Variants in DOCK1 observed in about 807,000 individuals in gnomAD.
The protein encoded by DOCK1 is dedicator of cytokinesis 1.
In DOCK1, 138 loss-of-function variants were observed where a neutral mutation model predicts 262.7. That is an observed-to-expected ratio of 0.53 (90% CI 0.46 to 0.61). DOCK1 has a LOEUF of 0.61. Ranked by LOEUF, DOCK1 falls within the 20% of genes least tolerant of loss-of-function variation. The probability of loss-of-function intolerance (pLI) is 0.00; values close to 1 mark genes in which losing one functional copy is unlikely to be tolerated. For synonymous variants in DOCK1, 866 were observed against 867.4 expected (o/e 1.00, Z 0.03); for missense variants, 1,908 against 2,370.7 (o/e 0.80, Z 4.05).
chr10:126,989,214 A>G (rs973180820), intron 5 of DOCK1, among the ~76,000 whole-genome samples: 8 of 152,210 alleles, frequency 5.3e-5, no homozygotes, highest in African/African-American at 1.9e-4. Context: ...AAAGAAGGTT[A>G]AATACCAGAG....
At chr10:127,168,197 C>G (rs538248770) in intron 27 of DOCK1, among the ~76,000 whole-genome samples, 1 of 152,196 alleles carries the variant, frequency 6.6e-6, no homozygotes, top group Admixed American at 6.5e-5. Context: ...GAATCTCACT[C>G]TGGAAAAATG....
intron 27 of DOCK1, among the ~76,000 whole-genome samples, chr10:127,229,841 C>A (rs1434620508): frequency 2.0e-5 from 3 of 152,186 alleles, no homozygotes; most frequent in Admixed American, 2.0e-4. Context: ...CAAATTTACA[C>A]TCCCATCCAC....
chr10:127,412,063 C>T (rs959311131), intron 43 of DOCK1, among the ~76,000 whole-genome samples: 11 of 151,870 alleles, frequency 7.2e-5, no homozygotes, highest in Admixed American at 1.3e-4. Context: ...CCCAGGTTCA[C>T]GCCATTCTCC....
At chr10:127,131,498 GT>G in intron 27 of DOCK1, among the ~76,000 whole-genome samples, 1 of 152,298 alleles carries the variant, frequency 6.6e-6, no homozygotes, top group Admixed American at 6.5e-5. Context: ...TTCAAGAAGG[GT>G]GTTTGCCACT....
chr10:126,995,126 G>A lies in DOCK1; in HGVS notation c.474-1622G>A, dbSNP rs929887945. 9.2e-5 allele frequency among the ~76,000 whole-genome samples: 14 copies of A among 151,742 alleles called. No homozygotes were observed. The highest frequency in any genetic ancestry group is 2.2e-4 in the African/African-American group (9 of 41,356). ...GCTCCCCAGATCCCAGACGATGGGC[G>A]GCCGGGCAGAGACGCTCCTCACTTC... On this transcript the variant is annotated intron_variant, in intron 6 of 51. Coordinates refer to ENST00000623213, the MANE Select transcript of DOCK1 (RefSeq NM_001290223.2). This position sits in a 1 kb window ranked among gnomAD's most constrained non-coding sequence, Gnocchi z 5.8.
At chr10:127,246,911 T>G (rs2059448664) in intron 27 of DOCK1, among the ~76,000 whole-genome samples, 1 of 152,236 alleles carries the variant, frequency 6.6e-6, no homozygotes, top group South Asian at 2.1e-4. Flanking sequence ...GTGTGTTTCA[T>G]GCTATAATTT....
At chr10:126,950,267 T>C (rs1171345504) in intron 1 of DOCK1, among the ~76,000 whole-genome samples, 2 of 152,088 alleles carry the variant, frequency 1.3e-5, no homozygotes, top group Admixed American at 1.3e-4. Flanking sequence ...CTTATCTGTG[T>C]CATGTCTTGT....
intron 27 of DOCK1, among the ~76,000 whole-genome samples, chr10:127,182,126 C>T (rs780276460): frequency 1.4e-4 from 22 of 152,056 alleles, no homozygotes; most frequent in Non-Finnish European, 2.1e-4. Context: ...CGCCCCGTTC[C>T]CTCGATGTGT....
intron 27 of DOCK1, among the ~76,000 whole-genome samples, chr10:127,216,754 G>T (rs2058232093): frequency 6.6e-6 from 1 of 152,138 alleles, no homozygotes; most frequent in Non-Finnish European, 1.5e-5. Flanking sequence ...TCAGTGCCTT[G>T]TCTCATGACT....
At chr10:126,981,772 TTTGTG>T (rs1219698324) in intron 3 of DOCK1, 141 bp from the exon 4 acceptor site, 1 of 732,636 alleles carries the variant, frequency 1.4e-6, no homozygotes, top group Non-Finnish European at 2.2e-6. Context: ...TTTCTACTTC[TTTGTG>T]TTTTCTTTGA....
chr10:127,352,346 G>C lies in DOCK1; in HGVS notation c.3225-2323G>C, dbSNP rs559070074. ...TGGGGAGGGGCAAAGAGGATGGGGA[G>C]GAGCGGATGCACCTGGCCTCCCAAA... On this transcript the variant is annotated intron_variant, in intron 31 of 51. Transcript: ENST00000623213. Among the ~76,000 whole-genome samples the C allele has an allele frequency of 1.5e-3, 223 of 151,440 alleles. 2 individuals carry two copies. The highest frequency in any genetic ancestry group is 4.9e-3 in the African/African-American group (201 of 41,230).
At chr10:127,110,104 T>C (rs188217196) in intron 24 of DOCK1, 144 bp from the exon 25 acceptor site, 196 of 653,894 alleles carry the variant, frequency 3.0e-4, no homozygotes, top group Admixed American at 1.0e-3. Flanking sequence ...GAATGAGTTA[T>C]TGACCCCATA....
chr10:126,907,820 A>C (rs2031139785), intron 1 of DOCK1, among the ~76,000 whole-genome samples: 1 of 152,158 alleles, frequency 6.6e-6, no homozygotes. Flanking sequence ...GTGACTTCTA[A>C]CATCACACCT....
intron 1 of DOCK1, among the ~76,000 whole-genome samples, chr10:126,949,346 G>A (rs1012895231): frequency 1.3e-5 from 2 of 152,122 alleles, no homozygotes; most frequent in East Asian, 1.9e-4. Flanking sequence ...GGTTGGACAT[G>A]TTGCTTGACA....
intron 23 of DOCK1, among the ~76,000 whole-genome samples, chr10:127,076,325 C>A (rs980108360): frequency 6.6e-6 from 1 of 152,142 alleles, no homozygotes; most frequent in Admixed American, 6.5e-5. Context: ...CACGGTGAAA[C>A]CCCGTCTCTA....
intron 27 of DOCK1, chr10:127,145,982 G>T: frequency 1.9e-6 from 1 of 515,276 alleles, no homozygotes; most frequent in Non-Finnish European, 3.9e-6. Flanking sequence ...ACCTGCCCTG[G>T]GGACCCCGCA....
chr10:127,147,156 G>A (rs1449985860), intron 27 of DOCK1, among the ~76,000 whole-genome samples: 2 of 152,102 alleles, frequency 1.3e-5, no homozygotes, highest in East Asian at 3.9e-4. Flanking sequence ...CAGTCATTTG[G>A]GGAAGGAACT....
Position 127,055,624 on chromosome 10 carries a change from A to T in DOCK1, c.2336+2809A>T, listed in dbSNP as rs542277709. Among the ~76,000 whole-genome samples the T allele has an allele frequency of 7.2e-5, 11 of 152,308 alleles. 1 individual carries two copies. In the South Asian group the frequency reaches 2.3e-3, roughly 32 times the overall value. On this transcript the variant is annotated intron_variant, in intron 22 of 51. Coordinates refer to ENST00000623213, the MANE Select transcript of DOCK1 (RefSeq NM_001290223.2). ...TCTCTTCCTCATACCTTCAACCCAG[A>T]TGGTCTGTTCCCTGAGAGCTTCCCT...
intron 18 of DOCK1, among the ~76,000 whole-genome samples, chr10:127,032,674 T>C (rs901573494): frequency 1.6e-4 from 24 of 152,126 alleles, no homozygotes; most frequent in African/African-American, 5.8e-4. Context: ...CCACCTCAGC[T>C]TCCCATGTAG....
Sources: allele counts gnomAD v4.1 joint callset (sites outside exome capture counted in the v4.1 genomes callset), GRCh38; gene constraint gnomAD v4.1.1; non-coding constraint Gnocchi (gnomAD v3.1); transcripts MANE v1.5; gene names NCBI Gene and HGNC (gene_info 2026-07-23, HGNC 2026-07-21).